PATJ: variants seen among roughly 807,000 people sequenced by gnomAD.
PATJ encodes inaD-like protein.
PATJ carries 190 observed loss-of-function variants against 224.9 expected under a neutral mutation model. That is an observed-to-expected ratio of 0.84 (90% CI 0.75 to 0.95). The LOEUF is 0.95. Among genes scored for constraint, PATJ ranks in the 40% least tolerant of loss-of-function variants. The pLI is 0.00. For synonymous variants in PATJ, 769 were observed against 820.3 expected (o/e 0.94, Z 1.07); for missense variants, 2,121 against 2,270.3 (o/e 0.93, Z 1.34).
At chr1:61,944,341 G>A (rs551933387) in intron 27 of PATJ, among the ~76,000 whole-genome samples, 6 of 152,290 alleles carry the variant, frequency 3.9e-5, no homozygotes, top group East Asian at 1.9e-4. Context: ...AAGATTAGGC[G>A]AATGGCCAAC....
intron 10 of PATJ, among the ~76,000 whole-genome samples, chr1:61,796,662 C>CTT (rs1553162885): frequency 2.0e-5 from 1 of 50,080 alleles, no homozygotes; most frequent in Non-Finnish European, 4.4e-5. Flanking sequence ...AATTTATTTT[C>CTT]TTTCTTTCTT....
intron 17 of PATJ, among the ~76,000 whole-genome samples, chr1:61,834,621 T>G (rs945514821): frequency 1.3e-5 from 2 of 152,206 alleles, no homozygotes; most frequent in African/African-American, 2.4e-5. Context: ...TAAAGCAAAA[T>G]GTACTCTGTT....
rs11455787 is a variant in PATJ, at chr1:61,936,432, C to CAAAAA, written c.3670+8618_3670+8622dup. On this transcript the variant is annotated intron_variant, in intron 27 of 43. Transcript: ENST00000642238. ...CTCACCTCCTCTCCTCTTCCAAGAC[C>CAAAAA]AAAAAAAAAAAAAAAAAAAGCCGGA... is the stretch of plus-strand genomic sequence containing the variant. Among the ~76,000 whole-genome samples, 11 of 92,724 alleles carry CAAAAA rather than the reference C, an allele frequency of 1.2e-4. 2 individuals carry two copies. Among genetic ancestry groups the CAAAAA allele is most frequent in the Middle Eastern group, 6.0e-3 (1 of 168 alleles). 60.8% of individuals were successfully genotyped at this position (92,724 alleles called of 152,430 possible).
intron 14 of PATJ, among the ~76,000 whole-genome samples, chr1:61,811,841 C>T (rs1218059395): frequency 1.3e-5 from 2 of 150,972 alleles, no homozygotes; most frequent in Non-Finnish European, 2.9e-5. Context: ...GTGGGTGGAT[C>T]ACGAGGTCAG....
At chr1:61,967,265 TTTTTA>T (rs1682307381) in intron 27 of PATJ, among the ~76,000 whole-genome samples, 1 of 152,222 alleles carries the variant, frequency 6.6e-6, no homozygotes, top group Non-Finnish European at 1.5e-5. Context: ...AGCCATTTTA[TTTTTA>T]TTTAGATATA....
intron 28 of PATJ, among the ~76,000 whole-genome samples, chr1:62,012,467 C>CT (rs1038218998): frequency 1.3e-5 from 2 of 151,968 alleles, no homozygotes; most frequent in Non-Finnish European, 2.9e-5. Context: ...AAAAAGAATT[C>CT]TTTTTTTTCT....
At chr1:61,765,330 A>G (rs1242128817) in intron 3 of PATJ, among the ~76,000 whole-genome samples, 5 of 149,932 alleles carry the variant, frequency 3.3e-5, no homozygotes, top group African/African-American at 9.8e-5. Flanking sequence ...TCCCACCTTG[A>G]TCTCCCAAAG....
intron 26 of PATJ, among the ~76,000 whole-genome samples, chr1:61,926,057 A>T (rs147808214): frequency 6.6e-6 from 1 of 152,366 alleles, no homozygotes; most frequent in Non-Finnish European, 1.5e-5. Flanking sequence ...CCCAAACAGC[A>T]CAAGTGACAA....
At chr1:62,051,635 A>G (rs1034779072) in intron 31 of PATJ, among the ~76,000 whole-genome samples, 1 of 152,024 alleles carries the variant, frequency 6.6e-6, no homozygotes, top group African/African-American at 2.4e-5. Flanking sequence ...CCTGCAATTT[A>G]TCCTTTATAT....
chr1:61,797,954 C>T (rs947768905), intron 11 of PATJ, among the ~76,000 whole-genome samples: 1 of 152,032 alleles, frequency 6.6e-6, no homozygotes, highest in Admixed American at 6.6e-5. Flanking sequence ...AGGCATGTGC[C>T]ACCACACACG....
chr1:62,109,376 A>G lies in PATJ; in HGVS notation c.4461+856A>G, dbSNP rs1663527674. ...TGCCTCCCAAGATGAAACCAGAGATATAATTAAGGGCAGGAAACATAGGCG... is the reference window on the plus strand; with the variant it reads ...TGCCTCCCAAGATGAAACCAGAGATGTAATTAAGGGCAGGAAACATAGGCG... On this transcript the variant is annotated intron_variant, in intron 34 of 43. Transcript: ENST00000642238. Among the ~76,000 whole-genome samples the G allele has an allele frequency of 2.0e-5, 3 of 152,196 alleles. No individual in the cohort carries two copies. The South Asian group carries it at 6.2e-4, about 32-fold the overall frequency.
intron 12 of PATJ, among the ~76,000 whole-genome samples, chr1:61,802,683 G>A (rs561358872): frequency 1.9e-4 from 29 of 152,132 alleles, no homozygotes; most frequent in Admixed American, 7.9e-4. Context: ...AATTAATAAT[G>A]TATGCATTTC....
At chr1:62,076,041 TA>T (rs368134676) in intron 31 of PATJ, among the ~76,000 whole-genome samples, 3 of 152,004 alleles carry the variant, frequency 2.0e-5, no homozygotes, top group Non-Finnish European at 4.4e-5. Flanking sequence ...TAGAGAGCTT[TA>T]AAAAAAATCA....
chr1:61,915,853 T>C (rs1673387740), intron 26 of PATJ, among the ~76,000 whole-genome samples: 1 of 151,966 alleles, frequency 6.6e-6, no homozygotes, highest in Non-Finnish European at 1.5e-5. Flanking sequence ...TGTGCCACCA[T>C]GCCCAGCTAA....
chr1:62,150,380 A>G (rs1331681812), intron 42 of PATJ, among the ~76,000 whole-genome samples: 8 of 152,188 alleles, frequency 5.3e-5, no homozygotes, highest in African/African-American at 1.9e-4. Flanking sequence ...CCATAAATCC[A>G]TAGTTATAAA....
intron 1 of PATJ, among the ~76,000 whole-genome samples, chr1:61,749,446 A>G (rs1481051187): frequency 1.3e-5 from 2 of 152,196 alleles, no homozygotes; most frequent in Non-Finnish European, 2.9e-5. Flanking sequence ...AGAATTTCCC[A>G]TATTTCAATA....
chr1:61,868,732 T>C (rs1665792539), intron 20 of PATJ, among the ~76,000 whole-genome samples: 1 of 151,914 alleles, frequency 6.6e-6, no homozygotes, highest in Non-Finnish European at 1.5e-5. Context: ...GAGGTTGCAG[T>C]GAACTGAGAT....
At chr1:61,933,279 G>A (rs1014251414) in intron 27 of PATJ, among the ~76,000 whole-genome samples, 5 of 151,876 alleles carry the variant, frequency 3.3e-5, no homozygotes, top group South Asian at 2.1e-4. Context: ...AAAATCAGAC[G>A]CCTGTAATCC....
chr1:61,927,728 A>G lies in PATJ; in HGVS notation c.3571-2A>G, dbSNP rs1460596559. 1.2e-6 allele frequency: 2 copies of G among 1,607,270 alleles called. No homozygotes were observed. The highest frequency in any genetic ancestry group is 2.7e-5 in the African/African-American group (2 of 74,564). ...CCCTTCTCTCAAATTTTGCATCTTCAGAGGCAAGGAACTGCTCCACCGCCA... is the reference window on the plus strand; with the variant it reads ...CCCTTCTCTCAAATTTTGCATCTTCGGAGGCAAGGAACTGCTCCACCGCCA... On this transcript the variant is annotated splice_acceptor_variant, in intron 26 of 43. Coordinates refer to ENST00000642238, the MANE Select transcript of PATJ (RefSeq NM_001350145.3). LOFTEE classifies it high-confidence loss of function.
Sources: allele counts gnomAD v4.1 joint callset (sites outside exome capture counted in the v4.1 genomes callset), GRCh38; gene constraint gnomAD v4.1.1; transcripts MANE v1.5; gene names NCBI Gene and HGNC (gene_info 2026-07-23, HGNC 2026-07-21).